The following DOCK3 variants were observed in gnomAD, a reference collection of about 807,000 sequenced individuals.
The protein encoded by DOCK3 is dedicator of cytokinesis 3.
Under a neutral mutation model 265.6 loss-of-function variants are expected in DOCK3, and 60 were observed. The ratio of observed to expected loss-of-function variants is 0.23; its 90% CI spans 0.18 to 0.28. DOCK3 has a LOEUF of 0.28. Among genes scored for constraint, DOCK3 ranks in the 10% least tolerant of loss-of-function variants. The pLI is 1.00. For synonymous variants in DOCK3, 881 were observed against 938.0 expected (o/e 0.94, Z 1.11); for missense variants, 1,981 against 2,594.3 (o/e 0.76, Z 5.14).
intron 14 of DOCK3, among the ~76,000 whole-genome samples, chr3:51,216,103 T>TA (rs2089773483): frequency 6.6e-6 from 1 of 152,202 alleles, no homozygotes; most frequent in African/African-American, 2.4e-5. Flanking sequence ...GGGATATACT[T>TA]AAAGTCCTTC....
intron 19 of DOCK3, among the ~76,000 whole-genome samples, chr3:51,231,922 T>C (rs1173519608): frequency 1.3e-5 from 2 of 152,146 alleles, no homozygotes; most frequent in Non-Finnish European, 2.9e-5. Context: ...CCATCTTGAG[T>C]TCATTTTTGT....
intron 5 of DOCK3, among the ~76,000 whole-genome samples, chr3:50,981,018 C>A (rs1286732493): frequency 7.9e-5 from 12 of 151,944 alleles, no homozygotes; most frequent in Non-Finnish European, 1.5e-4. Flanking sequence ...TTGTTCTTTT[C>A]TCTGTCCTTG....
intron 21 of DOCK3, among the ~76,000 whole-genome samples, chr3:51,238,644 G>C (rs1361924865): frequency 6.6e-6 from 1 of 152,106 alleles, no homozygotes; most frequent in East Asian, 1.9e-4. Flanking sequence ...GGTGTGTTTT[G>C]TTCCCCTCTA....
intron 32 of DOCK3, among the ~76,000 whole-genome samples, chr3:51,316,392 CT>C (rs2083365065): frequency 6.6e-6 from 1 of 152,168 alleles, no homozygotes; most frequent in South Asian, 2.1e-4. Flanking sequence ...GTTATTTCCT[CT>C]TTTGTGGATT....
At chr3:50,720,677 A>G (rs1024963805) in intron 1 of DOCK3, among the ~76,000 whole-genome samples, 40 of 152,090 alleles carry the variant, frequency 2.6e-4, no homozygotes, top group African/African-American at 9.2e-4. Context: ...TGCTGATTGG[A>G]TATATACCCA....
intron 1 of DOCK3, among the ~76,000 whole-genome samples, chr3:50,741,609 A>C (rs926645313): frequency 5.1e-4 from 77 of 150,706 alleles, no homozygotes; most frequent in Admixed American, 2.9e-3. Flanking sequence ...TGAACTCATC[A>C]TTTTTTATGG....
chr3:50,818,815 G>C (rs1471911623), intron 2 of DOCK3, among the ~76,000 whole-genome samples: 1 of 152,176 alleles, frequency 6.6e-6, no homozygotes, highest in Non-Finnish European at 1.5e-5. Flanking sequence ...GGTGTCCTCA[G>C]ACCATTGCAT....
At chr3:51,327,564 A>G (rs1167392492) in intron 32 of DOCK3, among the ~76,000 whole-genome samples, 1 of 151,870 alleles carries the variant, frequency 6.6e-6, no homozygotes, top group Non-Finnish European at 1.5e-5. Context: ...TTTTGCATGC[A>G]TTGATATTCA....
At chr3:50,915,627 T>C (rs1269511556) in intron 4 of DOCK3, among the ~76,000 whole-genome samples, 1 of 151,740 alleles carries the variant, frequency 6.6e-6, no homozygotes, top group East Asian at 1.9e-4. Context: ...TCCCAGGGGG[T>C]GATGTGCTGC....
intron 3 of DOCK3, among the ~76,000 whole-genome samples, chr3:50,889,045 A>C (rs935426234): frequency 2.0e-5 from 3 of 149,846 alleles, no homozygotes; most frequent in Admixed American, 6.7e-5. Context: ...GCCAAAGAGT[A>C]TAAAATATAT....
At chr3:51,042,090 G>A (rs2080556953) in intron 5 of DOCK3, among the ~76,000 whole-genome samples, 1 of 152,184 alleles carries the variant, frequency 6.6e-6, no homozygotes, top group South Asian at 2.1e-4. Flanking sequence ...TGTGAGGCCA[G>A]CATCATCCTG....
chr3:51,326,353 C>T (rs559984980), intron 32 of DOCK3, among the ~76,000 whole-genome samples: 121 of 151,732 alleles, frequency 8.0e-4, no homozygotes, highest in Admixed American at 2.7e-3. Context: ...CTCTGCCTCC[C>T]GGGTTCAAGT....
At chr3:51,090,424 G>C (rs776648246) in intron 9 of DOCK3, 40 bp downstream of exon 9, 1 of 1,572,042 alleles carries the variant, frequency 6.4e-7, no homozygotes, top group Admixed American at 1.9e-5. Flanking sequence ...TCTATGTTAG[G>C]ATGGTATGGG....
intron 1 of DOCK3, among the ~76,000 whole-genome samples, chr3:50,730,927 G>T (rs1191930081): frequency 6.6e-6 from 1 of 151,888 alleles, no homozygotes; most frequent in Non-Finnish European, 1.5e-5. Context: ...CCAGGAGATC[G>T]AGACCATCCT....
At chr3:51,350,861 T>C (rs1560484585) in intron 40 of DOCK3, among the ~76,000 whole-genome samples, 1 of 152,200 alleles carries the variant, frequency 6.6e-6, no homozygotes, top group Non-Finnish European at 1.5e-5. Context: ...TGGAGAACTG[T>C]TGGTATGAGA....
At chr3:51,029,238 A>G (rs1215661809) in intron 5 of DOCK3, among the ~76,000 whole-genome samples, 1 of 152,118 alleles carries the variant, frequency 6.6e-6, no homozygotes, top group Admixed American at 6.5e-5. Flanking sequence ...GCTACTTGCA[A>G]CGATGTATTT....
At chr3:51,100,859 A>G (rs1301751642) in intron 9 of DOCK3, among the ~76,000 whole-genome samples, 1 of 151,902 alleles carries the variant, frequency 6.6e-6, no homozygotes, top group Non-Finnish European at 1.5e-5. Context: ...CAATGGCACA[A>G]TCATGGCTCA....
intron 12 of DOCK3, among the ~76,000 whole-genome samples, chr3:51,206,956 A>T (rs1341396187): frequency 6.6e-6 from 1 of 152,194 alleles, no homozygotes; most frequent in African/African-American, 2.4e-5. Context: ...GTGAGAGGGC[A>T]TCTCTGGGTA....
intron 12 of DOCK3, among the ~76,000 whole-genome samples, chr3:51,195,242 G>A (rs1019319118): frequency 2.6e-5 from 4 of 152,062 alleles, no homozygotes; most frequent in African/African-American, 4.8e-5. Context: ...TTATTGATAT[G>A]TGGTGCTTTG....
Sources: allele counts gnomAD v4.1 joint callset (sites outside exome capture counted in the v4.1 genomes callset), GRCh38; gene constraint gnomAD v4.1.1; transcripts MANE v1.5; gene names NCBI Gene and HGNC (gene_info 2026-07-23, HGNC 2026-07-21).